NEGR1: variants seen among roughly 807,000 people sequenced by gnomAD.
NEGR1 encodes neuronal growth regulator 1.
In NEGR1, 10 loss-of-function variants were observed where a neutral mutation model predicts 40.9. That is an observed-to-expected ratio of 0.24 (90% CI 0.15 to 0.42). NEGR1 has a LOEUF of 0.42. NEGR1 is among the 10% of genes least tolerant of loss of function. NEGR1 has a pLI of 1.00. For synonymous variants in NEGR1, 185 were observed against 166.8 expected, an observed-to-expected ratio of 1.11 and a Z score of -0.84; for missense variants, 352 against 438.9, an observed-to-expected ratio of 0.80 and a Z score of 1.77.
intron 1 of NEGR1, among the ~76,000 whole-genome samples, chr1:72,053,884 A>G (rs1647086051): frequency 6.6e-6 from 1 of 150,852 alleles, no homozygotes; most frequent in African/African-American, 2.4e-5. Context: ...TAAGATTAAA[A>G]AAAAAAACTC....
rs370307786 is a variant in NEGR1 at position 71,474,157 on chromosome 1, A to C, written c.941-66587T>G. On this transcript the variant is annotated intron_variant, in intron 6 of 6. Transcript: ENST00000357731. ...ACAGACTTGCACTGAAAGAAACTAAAAATATTTATTAACAGAAAGAAAAGT... is the reference window on the plus strand; with the variant it reads ...ACAGACTTGCACTGAAAGAAACTAACAATATTTATTAACAGAAAGAAAAGT... Among the ~76,000 whole-genome samples, 34 of 152,160 alleles carry C rather than the reference A, an allele frequency of 2.2e-4. 1 individual carries two copies. In the East Asian group the frequency reaches 3.7e-3, roughly 17 times the overall value.
chr1:71,886,433 C>G (rs1406064865), intron 2 of NEGR1, among the ~76,000 whole-genome samples: 2 of 149,472 alleles, frequency 1.3e-5, no homozygotes, highest in Non-Finnish European at 3.0e-5. Context: ...TATTAAATGA[C>G]CAGTGTGTTC....
intron 2 of NEGR1, among the ~76,000 whole-genome samples, chr1:71,854,262 T>C (rs1297120546): frequency 6.6e-6 from 1 of 152,074 alleles, no homozygotes; most frequent in African/African-American, 2.4e-5. Flanking sequence ...GCTCCCCCTG[T>C]GAGCTCTCAA....
At chr1:71,622,850 T>G (rs767795543) in intron 4 of NEGR1, among the ~76,000 whole-genome samples, 2 of 151,866 alleles carry the variant, frequency 1.3e-5, no homozygotes, top group African/African-American at 2.4e-5. Flanking sequence ...TCCAAAGATC[T>G]AATAGTAAAT....
intron 1 of NEGR1, among the ~76,000 whole-genome samples, chr1:72,000,944 C>T (rs1646552332): frequency 6.6e-6 from 1 of 152,046 alleles, no homozygotes; most frequent in Admixed American, 6.6e-5. Flanking sequence ...GAGAGCTTGC[C>T]TGAGACATGC....
intron 1 of NEGR1, among the ~76,000 whole-genome samples, chr1:71,945,839 G>T (rs1646013215): frequency 6.6e-6 from 1 of 152,068 alleles, no homozygotes; most frequent in South Asian, 2.1e-4. Flanking sequence ...TTTGGTATAA[G>T]ATCAAAGAGG....
chr1:71,981,618 G>A (rs775592848), intron 1 of NEGR1, among the ~76,000 whole-genome samples: 3 of 152,116 alleles, frequency 2.0e-5, no homozygotes, highest in Admixed American at 6.6e-5. Context: ...AAAGATTATG[G>A]GAGACCTATC....
intron 1 of NEGR1, among the ~76,000 whole-genome samples, chr1:72,232,576 A>T (rs188883538): frequency 1.3e-5 from 2 of 152,282 alleles, no homozygotes; most frequent in Admixed American, 1.3e-4. Context: ...TGCTAAAAAA[A>T]CTATGTTGTG....
chr1:71,726,350 A>G (rs1249797791), intron 3 of NEGR1, among the ~76,000 whole-genome samples: 1 of 152,110 alleles, frequency 6.6e-6, no homozygotes, highest in Non-Finnish European at 1.5e-5. Context: ...TTTGCTCTGC[A>G]GGGTGCCACA....
intron 2 of NEGR1, among the ~76,000 whole-genome samples, chr1:71,853,659 C>A (rs1570433592): frequency 6.6e-6 from 1 of 152,010 alleles, no homozygotes; most frequent in Admixed American, 6.6e-5. Flanking sequence ...TTAATTCATC[C>A]TTCTGTGCCT....
At chr1:71,770,422 C>T (rs1475697601) in intron 3 of NEGR1, among the ~76,000 whole-genome samples, 1 of 152,024 alleles carries the variant, frequency 6.6e-6, no homozygotes. Context: ...AGGAAGTAGC[C>T]TAGACTTCTG....
chr1:72,234,653 GAC>G (rs1654490764), intron 1 of NEGR1, among the ~76,000 whole-genome samples: 1 of 151,974 alleles, frequency 6.6e-6, no homozygotes, highest in Non-Finnish European at 1.5e-5. Flanking sequence ...TTCAAAATAA[GAC>G]ACACATCTGG....
intron 2 of NEGR1, among the ~76,000 whole-genome samples, chr1:71,826,074 C>T (rs905669566): frequency 1.3e-5 from 2 of 151,854 alleles, no homozygotes; most frequent in East Asian, 1.9e-4. Flanking sequence ...TTTACCAGTG[C>T]CAGGTCTCCT....
At chr1:71,752,365 T>A (rs533797483) in intron 3 of NEGR1, among the ~76,000 whole-genome samples, 1 of 152,192 alleles carries the variant, frequency 6.6e-6, no homozygotes, top group African/African-American at 2.4e-5. Context: ...CAACTTTATA[T>A]ACAAAAATAG....
intron 1 of NEGR1, among the ~76,000 whole-genome samples, chr1:72,170,968 T>C (rs1651942293): frequency 6.6e-6 from 1 of 152,182 alleles, no homozygotes; most frequent in South Asian, 2.1e-4. Context: ...GTGCCCTCTT[T>C]TCCCCACTGT....
chr1:72,090,393 T>C (rs536697739), intron 1 of NEGR1, among the ~76,000 whole-genome samples: 1 of 149,952 alleles, frequency 6.7e-6, no homozygotes, highest in African/African-American at 2.4e-5. Context: ...GAGCTCCCAC[T>C]ATAGAAATAA....
chr1:71,930,399 C>G (rs1054461707), intron 2 of NEGR1, among the ~76,000 whole-genome samples: 1 of 152,108 alleles, frequency 6.6e-6, no homozygotes, highest in African/African-American at 2.4e-5. Flanking sequence ...TATTGGCTTT[C>G]AGAAATCTTA....
chr1:72,245,320 C>A (rs760409532), intron 1 of NEGR1, among the ~76,000 whole-genome samples: 6 of 152,056 alleles, frequency 3.9e-5, no homozygotes, highest in South Asian at 2.1e-4. Context: ...TTCAGTATGT[C>A]AACTAATATC....
chr1:72,122,684 T>G (rs1038120595), intron 1 of NEGR1, among the ~76,000 whole-genome samples: 2 of 151,676 alleles, frequency 1.3e-5, no homozygotes, highest in Non-Finnish European at 2.9e-5. Flanking sequence ...TAAAATGGAG[T>G]GAAACTATGC....
Sources: allele counts gnomAD v4.1 joint callset (sites outside exome capture counted in the v4.1 genomes callset), GRCh38; gene constraint gnomAD v4.1.1; transcripts MANE v1.5; gene names NCBI Gene and HGNC (gene_info 2026-07-23, HGNC 2026-07-21).